The following MEGF11 variants were observed in gnomAD, a reference collection of about 807,000 sequenced individuals.
The protein encoded by MEGF11 is multiple epidermal growth factor-like domains protein 11.
Under a neutral mutation model 146.6 loss-of-function variants are expected in MEGF11, and 126 were observed. That is an observed-to-expected ratio of 0.86 (90% confidence interval 0.74 to 1.00). The LOEUF is 1.00. Among genes scored for constraint, MEGF11 ranks in the 50% least tolerant of loss-of-function variants. The probability of loss-of-function intolerance (pLI) is 0.00; values close to 1 mark genes in which losing one functional copy is unlikely to be tolerated. For synonymous variants in MEGF11, 532 were observed against 583.4 expected (o/e 0.91, Z 1.27); for missense variants, 1,509 against 1,521.2 (o/e 0.99, Z 0.13).
In MEGF11 at chr15:65,964,968, T is replaced by A; in HGVS notation, c.1052A>T (p.Glu351Val). 1 of 1,571,908 alleles carries A rather than the reference T, an allele frequency of 6.4e-7. No individual in the cohort carries two copies. Among genetic ancestry groups the A allele is most frequent in the Non-Finnish European group, 8.6e-7 (1 of 1,159,078 alleles). The change falls in exon 9 of 26, where the codon GAG becomes GTG. Residue 351 changes from glutamate to valine, a missense_variant. By Grantham distance (121) the Glu-to-Val change is moderately radical. Transcript: ENST00000395614. ...GPRCQERLCP[E>V]GLHGPGCTLP... is the part of the protein sequence containing the mutation. Reference sequence around the variant, plus strand: ...GGTGCAGCCTGGGCCATGCAGGCCCTCCGGGCACAGTCGCTCCTGGCAGCG... The same window carrying A: ...GGTGCAGCCTGGGCCATGCAGGCCCACCGGGCACAGTCGCTCCTGGCAGCG...
At chr15:65,914,475 A>C (rs2078925331) in intron 19 of MEGF11, among the ~76,000 whole-genome samples, 1 of 152,058 alleles carries the variant, frequency 6.6e-6, no homozygotes, top group Non-Finnish European at 1.5e-5. Context: ...CACCCTCCCC[A>C]GTCGTGAGCA....
chr15:66,038,504 G>T (rs2083813687), intron 5 of MEGF11, among the ~76,000 whole-genome samples: 1 of 152,152 alleles, frequency 6.6e-6, no homozygotes, highest in Non-Finnish European at 1.5e-5. Flanking sequence ...TCACACCAGG[G>T]ATAATAAGAT....
At chr15:66,187,586 G>A (rs2090743820) in intron 1 of MEGF11, among the ~76,000 whole-genome samples, 1 of 152,200 alleles carries the variant, frequency 6.6e-6, no homozygotes, top group Admixed American at 6.5e-5. Context: ...TGGCATTACG[G>A]CAGTCTTGTG....
At chr15:66,064,690 A>AT (rs1461251926) in intron 5 of MEGF11, among the ~76,000 whole-genome samples, 3 of 68,880 alleles carry the variant, frequency 4.4e-5, no homozygotes, top group African/African-American at 9.2e-5. Context: ...CTAATTTTGT[A>AT]TTTTTTTTCT....
intron 5 of MEGF11, among the ~76,000 whole-genome samples, chr15:65,983,364 G>T (rs1310570386): frequency 6.6e-6 from 1 of 152,172 alleles, no homozygotes; most frequent in East Asian, 1.9e-4. Flanking sequence ...GCCCCAGAGA[G>T]GTCACCAAGC....
At chr15:66,160,701 AC>A (rs2089921945) in intron 1 of MEGF11, among the ~76,000 whole-genome samples, 1 of 150,346 alleles carries the variant, frequency 6.7e-6, no homozygotes, top group African/African-American at 2.4e-5. Flanking sequence ...ACACACACAC[AC>A]ACACCCTTGC....
Position 65,928,434 on chromosome 15 carries a change from C to T in MEGF11, c.1666G>A (p.Gly556Arg), listed in dbSNP as rs140370405. The change falls in exon 13 of 26, where the codon GGA (glycine) becomes AGA (arginine). Residue 556 changes from glycine to arginine, a missense_variant. Gly to Arg is a moderately radical substitution (Grantham distance 125). Transcript: ENST00000395614. ...PVTGHCCCLA[G>R]WTGIRCDSTC... ...AGCAAGGGAAGGTTACCTGTCCATC[C>T]GGCCAGGCAGCAGCAGTGGCCTGTG... 3.2e-5 allele frequency: 51 copies of T among 1,591,352 alleles called. No individual in the cohort carries two copies. In the South Asian group the frequency reaches 3.8e-4, roughly 12 times the overall value.
intron 1 of MEGF11, among the ~76,000 whole-genome samples, chr15:66,148,253 G>GA (rs530612383): frequency 5.8e-4 from 87 of 150,112 alleles, no homozygotes; most frequent in African/African-American, 1.6e-3. Context: ...GGCAAACTAG[G>GA]AAAAAAAAAC....
intron 5 of MEGF11, among the ~76,000 whole-genome samples, chr15:66,001,803 C>T (rs543666010): frequency 8.9e-4 from 135 of 152,138 alleles, no homozygotes; most frequent in South Asian, 1.5e-3. Context: ...TGGGCCTCCC[C>T]GAAGTGTGGG....
chr15:66,105,173 C>A (rs2087006805), intron 4 of MEGF11, among the ~76,000 whole-genome samples: 1 of 152,114 alleles, frequency 6.6e-6, no homozygotes, highest in Non-Finnish European at 1.5e-5. Flanking sequence ...TTAGGAAAAA[C>A]AAGGGCGGCC....
At chr15:66,234,197 C>G (rs1315368244) in intron 1 of MEGF11, among the ~76,000 whole-genome samples, 4 of 152,144 alleles carry the variant, frequency 2.6e-5, no homozygotes, top group Non-Finnish European at 4.4e-5. Context: ...CTGCACCCGG[C>G]CAGACATTGT....
At chr15:65,984,149 A>G (rs959022425) in intron 5 of MEGF11, among the ~76,000 whole-genome samples, 2 of 152,088 alleles carry the variant, frequency 1.3e-5, no homozygotes, top group Non-Finnish European at 2.9e-5. Flanking sequence ...AGTGAGTCTC[A>G]CCCTATATTT....
intron 5 of MEGF11, among the ~76,000 whole-genome samples, chr15:66,026,875 T>C (rs186274729): frequency 3.9e-5 from 6 of 152,360 alleles, no homozygotes; most frequent in African/African-American, 1.4e-4. Flanking sequence ...AAAACAGGTA[T>C]GCTCTTACTG....
chr15:65,909,195 AG>A, intron 22 of MEGF11, 60 bp from the exon 23 acceptor site: 2 of 1,216,644 alleles, frequency 1.6e-6, no homozygotes, highest in Admixed American at 2.0e-5. Flanking sequence ...TAGCAGGGGA[AG>A]GGGGTAGGAA....
At chr15:65,901,105 G>T (rs1433922464) in intron 24 of MEGF11, among the ~76,000 whole-genome samples, 2 of 152,176 alleles carry the variant, frequency 1.3e-5, no homozygotes, top group African/African-American at 4.8e-5. Context: ...CCTTGACTGT[G>T]ACCTGCCCAA....
rs144730278 is a variant in MEGF11, at chr15:66,032,973, C to T, written c.395-50485G>A. On this transcript the variant is annotated intron_variant, in intron 5 of 25. Transcript: ENST00000395614. ...GCAGGTGCCTATAGTGCCAGCTACTCGGGAGGCTGAGGCAGGAGAATGGCG... is the reference window on the plus strand; with the variant it reads ...GCAGGTGCCTATAGTGCCAGCTACTTGGGAGGCTGAGGCAGGAGAATGGCG... Among the ~76,000 whole-genome samples, 1,233 of 149,976 alleles carry T rather than the reference C, an allele frequency of 8.2e-3. 24 individuals carry two copies. Among genetic ancestry groups the T allele is most frequent in the African/African-American group, 0.027 (1,109 of 40,550 alleles).
In MEGF11 at chr15:65,980,894, C is replaced by T. The variant is rs747649099; in HGVS notation, c.646G>A (p.Glu216Lys). Residue 216 changes from glutamate to lysine, a missense_variant, in exon 7 of 26, where the codon GAG becomes AAG. Physicochemically the swap from Glu to Lys is moderately conservative, Grantham distance 56 (BLOSUM62 1). Coordinates refer to ENST00000395614, the MANE Select transcript of MEGF11 (RefSeq NM_001385028.1). ...CAPGYTGVYCEELCPPGSHGA... is the reference protein window; with the variant it reads ...CAPGYTGVYCKELCPPGSHGA... ...TGGCTCCCAGGAGGGCACAGCTCCT[C>T]GCAGCTGCATGGAGAAGCAGAGGTG... The T allele has an allele frequency of 7.6e-6, 12 of 1,580,486 alleles. No homozygotes were observed. Among genetic ancestry groups the T allele is most frequent in the Admixed American group, 5.5e-5 (3 of 54,308 alleles).
At chr15:66,146,826 A>C (rs1031317901) in intron 1 of MEGF11, among the ~76,000 whole-genome samples, 1 of 152,194 alleles carries the variant, frequency 6.6e-6, no homozygotes, top group Admixed American at 6.5e-5. Context: ...CATTGTCTGC[A>C]TTGTTGGTGA....
intron 1 of MEGF11, among the ~76,000 whole-genome samples, chr15:66,226,120 A>G (rs2091847258): frequency 2.6e-5 from 4 of 152,330 alleles, no homozygotes; most frequent in African/African-American, 9.6e-5. Context: ...AGCCCGGGAC[A>G]TGAATCATGC....
Sources: gnomAD v4.1 joint callset for allele counts (sites outside exome capture counted in the v4.1 genomes callset) on GRCh38, gnomAD v4.1.1 for gene constraint, MANE v1.5 for transcripts, NCBI Gene and HGNC (gene_info 2026-07-23, HGNC 2026-07-21) for gene names.